RIT2: variants seen among roughly 807,000 people sequenced by gnomAD.
The protein encoded by RIT2 is GTP-binding protein Rit2.
A neutral mutation model predicts 23.7 loss-of-function variants in RIT2; 24 were observed. The ratio of observed to expected loss-of-function variants is 1.01; its 90% CI spans 0.73 to 1.43. The LOEUF (loss-of-function observed/expected upper bound fraction) is 1.43, where lower values mean the gene tolerates loss of function less well. Among genes scored for constraint, RIT2 ranks in the 40% most tolerant of loss-of-function variants. The pLI is 0.00. For synonymous variants in RIT2, 107 were observed against 91.1 expected (o/e 1.17, Z -0.99); for missense variants, 236 against 266.9 (o/e 0.88, Z 0.81).
chr18:42,823,834 G>C (rs1295140291), intron 4 of RIT2, among the ~76,000 whole-genome samples: 2 of 152,080 alleles, frequency 1.3e-5, no homozygotes, highest in Non-Finnish European at 2.9e-5. Context: ...AAATGAGAAA[G>C]AGGCAGAACT....
At chr18:42,837,661 T>C (rs1369850513) in intron 4 of RIT2, among the ~76,000 whole-genome samples, 1 of 152,108 alleles carries the variant, frequency 6.6e-6, no homozygotes, top group Non-Finnish European at 1.5e-5. Context: ...GAAGCAAAAC[T>C]ACATGACAGG....
At chr18:42,825,516 T>C (rs1056763051) in intron 4 of RIT2, among the ~76,000 whole-genome samples, 15 of 151,884 alleles carry the variant, frequency 9.9e-5, no homozygotes, top group Non-Finnish European at 1.9e-4. Flanking sequence ...TACTAAAACA[T>C]ATTTGATTAA....
chr18:42,987,014 A>G (rs576511232), intron 2 of RIT2, among the ~76,000 whole-genome samples: 1 of 152,304 alleles, frequency 6.6e-6, no homozygotes, highest in South Asian at 2.1e-4. Context: ...AATACTGCAG[A>G]TGGTGTGTAA....
intron 4 of RIT2, among the ~76,000 whole-genome samples, chr18:42,776,577 A>G (rs184943392): frequency 2.3e-3 from 351 of 152,256 alleles, no homozygotes; most frequent in African/African-American, 7.6e-3. Flanking sequence ...TGCTTCTTAC[A>G]TTTATCAATA....
intron 4 of RIT2, among the ~76,000 whole-genome samples, chr18:42,894,484 CACTTAATATA>C (rs747391395): frequency 4.6e-5 from 7 of 152,142 alleles, no homozygotes; most frequent in Non-Finnish European, 1.0e-4. Flanking sequence ...AGTAGAACAA[CACTTAATATA>C]AGTACATTTA....
intron 1 of RIT2, among the ~76,000 whole-genome samples, chr18:43,080,506 A>G (rs530450913): frequency 2.0e-5 from 3 of 152,292 alleles, no homozygotes; most frequent in African/African-American, 7.2e-5. Flanking sequence ...AAGCTGAATG[A>G]CAAAAAAAAC....
At chr18:43,094,473 G>T (rs958806055) in intron 1 of RIT2, among the ~76,000 whole-genome samples, 1 of 151,916 alleles carries the variant, frequency 6.6e-6, no homozygotes, top group African/African-American at 2.4e-5. Flanking sequence ...ATTGACATTA[G>T]AAGGGTTAAA....
At position 42,847,462 on chromosome 18, in the gene RIT2, A is replaced by T. The variant is rs546940891; in HGVS notation, c.426+76110T>A. ...AAGGGAAGTCATTTTATTTAAAAAA[A>T]AATAATAAAAGTAGCAAAATTACCT... is the stretch of plus-strand genomic sequence containing the variant. On this transcript the variant is annotated intron_variant, in intron 4 of 4. Transcript: ENST00000326695. Among the ~76,000 whole-genome samples, 81 of 152,246 alleles carry T rather than the reference A, an allele frequency of 5.3e-4. 1 individual carries two copies. The highest frequency in any genetic ancestry group is 4.1e-3 in the Admixed American group (63 of 15,286).
intron 4 of RIT2, among the ~76,000 whole-genome samples, chr18:42,905,549 T>C (rs1908589245): frequency 6.6e-6 from 1 of 152,208 alleles, no homozygotes; most frequent in Admixed American, 6.5e-5. Flanking sequence ...CTTGGCTCAC[T>C]GCAACCTCTG....
intron 4 of RIT2, among the ~76,000 whole-genome samples, chr18:42,889,103 A>G (rs1598701331): frequency 6.6e-6 from 1 of 152,028 alleles, no homozygotes; most frequent in East Asian, 1.9e-4. Flanking sequence ...AGATTGAAAA[A>G]ACTAAAATGC....
At chr18:42,827,111 C>T (rs963931135) in intron 4 of RIT2, among the ~76,000 whole-genome samples, 8 of 152,044 alleles carry the variant, frequency 5.3e-5, no homozygotes, top group African/African-American at 1.2e-4. Flanking sequence ...AGAGGTTTTG[C>T]GTAATGCTAT....
At chr18:42,963,816 A>G (rs534486875) in intron 3 of RIT2, among the ~76,000 whole-genome samples, 1 of 152,268 alleles carries the variant, frequency 6.6e-6, no homozygotes, top group South Asian at 2.1e-4. Flanking sequence ...GAATCACTTG[A>G]ACCCAGGAGG....
chr18:43,002,868 T>G lies in RIT2; in HGVS notation c.161-28721A>C, dbSNP rs555096534. 4.6e-5 allele frequency among the ~76,000 whole-genome samples: 7 copies of G among 152,060 alleles called. No individual in the cohort carries two copies. In the East Asian group the frequency reaches 5.8e-4, roughly 13 times the overall value. On this transcript the variant is annotated intron_variant, in intron 2 of 4. Transcript: ENST00000326695. ...AGCTGAACTCAGCATAGAGAGATTA[T>G]TCAGGATTATCCAGGTGTGACCAAT... is the stretch of plus-strand genomic sequence containing the variant.
In RIT2 at chr18:42,828,302, A is replaced by C. The variant is rs188522013; in HGVS notation, c.427-84582T>G. 2.2e-4 allele frequency among the ~76,000 whole-genome samples: 33 copies of C among 152,368 alleles called. No individual in the cohort carries two copies. The East Asian group carries it at 5.2e-3, about 24-fold the overall frequency. ...TCAAACACTTACATTGATCATTAAA[A>C]TGAAAATAAACCTCATAGTTGAGTA... On this transcript the variant is annotated intron_variant, in intron 4 of 4. Transcript: ENST00000326695.
intron 2 of RIT2, among the ~76,000 whole-genome samples, chr18:43,032,986 G>T (rs1451939635): frequency 6.6e-6 from 1 of 151,918 alleles, no homozygotes; most frequent in Non-Finnish European, 1.5e-5. Flanking sequence ...GGTAAGTAAT[G>T]GGGAGTGGTT....
At chr18:42,902,911 T>C (rs913011092) in intron 4 of RIT2, among the ~76,000 whole-genome samples, 1 of 151,694 alleles carries the variant, frequency 6.6e-6, no homozygotes, top group Admixed American at 6.6e-5. Context: ...GATTTTAAAA[T>C]TGAATTCTAT....
intron 2 of RIT2, among the ~76,000 whole-genome samples, chr18:43,012,396 T>C (rs528933855): frequency 1.3e-5 from 2 of 151,826 alleles, no homozygotes; most frequent in Non-Finnish European, 2.9e-5. Context: ...TAAACTTGAA[T>C]TGATATACAA....
At chr18:42,909,993 G>A (rs681896) in intron 4 of RIT2, among the ~76,000 whole-genome samples, 2,825 of 152,244 alleles carry the variant, frequency 0.019, 87 homozygotes, top group African/African-American at 0.063. Context: ...CCTGAAAGCG[G>A]TTAAGGGGAT....
At chr18:42,838,404 GTTC>G (rs563010748) in intron 4 of RIT2, among the ~76,000 whole-genome samples, 84 of 152,020 alleles carry the variant, frequency 5.5e-4, no homozygotes, top group Admixed American at 1.6e-3. Flanking sequence ...ACTTCTAGAA[GTTC>G]TTCTTCATTT....
Sources: gnomAD v4.1 joint callset for allele counts (sites outside exome capture counted in the v4.1 genomes callset) on GRCh38, gnomAD v4.1.1 for gene constraint, MANE v1.5 for transcripts, NCBI Gene and HGNC (gene_info 2026-07-23, HGNC 2026-07-21) for gene names.